GRB14: variants seen among roughly 807,000 people sequenced by gnomAD.
GRB14 encodes the protein growth factor receptor-bound protein 14.
In GRB14, 38 loss-of-function variants were observed where a neutral mutation model predicts 69.1. The ratio of observed to expected loss-of-function variants is 0.55; its 90% confidence interval spans 0.42 to 0.72. The LOEUF is 0.72. Ranked by LOEUF, GRB14 falls within the 30% of genes least tolerant of loss-of-function variation. GRB14 has a pLI of 0.00. For synonymous variants in GRB14, 247 were observed against 241.3 expected (o/e 1.02, Z -0.22); for missense variants, 666 against 666.1 (o/e 1.00, Z 0.00).
chr2:164,617,584 A>G (rs552778075), intron 2 of GRB14, among the ~76,000 whole-genome samples: 6 of 152,198 alleles, frequency 3.9e-5, no homozygotes, highest in African/African-American at 1.4e-4. Flanking sequence ...TACTAACATA[A>G]GCATACCAAC....
At chr2:164,614,073 A>C in intron 2 of GRB14, among the ~76,000 whole-genome samples, 1 of 152,228 alleles carries the variant, frequency 6.6e-6, no homozygotes, top group Non-Finnish European at 1.5e-5. Context: ...ATTCTGAAGA[A>C]GGTGATTTAA....
chr2:164,519,960 T>C (rs1199510337), intron 6 of GRB14, among the ~76,000 whole-genome samples: 2 of 151,882 alleles, frequency 1.3e-5, no homozygotes, highest in African/African-American at 2.4e-5. Flanking sequence ...AGAAATTCAA[T>C]GCAATTCTCA....
At chr2:164,591,790 G>A (rs1157301653) in intron 2 of GRB14, among the ~76,000 whole-genome samples, 2 of 152,108 alleles carry the variant, frequency 1.3e-5, no homozygotes. Flanking sequence ...ATAGACTACT[G>A]ATCCCAGTGA....
chr2:164,609,517 T>C (rs889123302), intron 2 of GRB14, among the ~76,000 whole-genome samples: 6 of 152,226 alleles, frequency 3.9e-5, no homozygotes, highest in African/African-American at 1.4e-4. Flanking sequence ...ACCTATATCA[T>C]ATCAGGTGTT....
chr2:164,527,855 C>T (rs761604638), intron 3 of GRB14, among the ~76,000 whole-genome samples: 34 of 151,834 alleles, frequency 2.2e-4, no homozygotes, highest in Non-Finnish European at 3.2e-4. Context: ...CTATAACATG[C>T]GAAATTCCTA....
At chr2:164,510,794 A>G (rs1201875256) in intron 6 of GRB14, among the ~76,000 whole-genome samples, 1 of 152,232 alleles carries the variant, frequency 6.6e-6, no homozygotes, top group East Asian at 1.9e-4. Flanking sequence ...GAGAGCCCTT[A>G]GGCCTTAAGT....
chr2:164,552,305 G>A (rs556737739), intron 2 of GRB14, among the ~76,000 whole-genome samples: 1 of 152,170 alleles, frequency 6.6e-6, no homozygotes, highest in Non-Finnish European at 1.5e-5. Flanking sequence ...TTGTATCACA[G>A]GAACCTACCC....
At chr2:164,607,843 A>T (rs956233199) in intron 2 of GRB14, among the ~76,000 whole-genome samples, 1 of 152,202 alleles carries the variant, frequency 6.6e-6, no homozygotes, top group African/African-American at 2.4e-5. Flanking sequence ...TACCTTGGCC[A>T]AACCAAAAGT....
chr2:164,528,124 A>AG (rs1183155803), intron 3 of GRB14, among the ~76,000 whole-genome samples: 2 of 152,078 alleles, frequency 1.3e-5, no homozygotes, highest in African/African-American at 4.8e-5. Flanking sequence ...AGCAAAATTA[A>AG]TCTACAGTGC....
chr2:164,508,709 C>T, intron 7 of GRB14, 33 bp downstream of exon 7: 1 of 1,515,234 alleles, frequency 6.6e-7, no homozygotes, highest in Non-Finnish European at 9.0e-7. Context: ...CTGAGGCTTG[C>T]TTTATTCATC....
intron 2 of GRB14, among the ~76,000 whole-genome samples, chr2:164,562,127 T>C (rs1162777502): frequency 6.6e-6 from 1 of 152,222 alleles, no homozygotes; most frequent in Non-Finnish European, 1.5e-5. Flanking sequence ...TGGGGTTCAA[T>C]GATGATCAAA....
intron 4 of GRB14, among the ~76,000 whole-genome samples, chr2:164,526,434 T>C (rs1454367456): frequency 6.6e-6 from 1 of 152,042 alleles, no homozygotes; most frequent in Non-Finnish European, 1.5e-5. Context: ...TAGTATTTAC[T>C]AGATAATGCA....
intron 2 of GRB14, among the ~76,000 whole-genome samples, chr2:164,549,867 A>C (rs1559046385): frequency 2.4e-4 from 1 of 4,200 alleles, no homozygotes; most frequent in Non-Finnish European, 4.7e-4. Context: ...CCATCTAAAA[A>C]TAAAATAAAA....
At chr2:164,600,066 A>C (rs916311410) in intron 2 of GRB14, among the ~76,000 whole-genome samples, 11 of 152,188 alleles carry the variant, frequency 7.2e-5, no homozygotes, top group South Asian at 2.1e-4. Flanking sequence ...AATGCAACCT[A>C]GAATAATTCA....
chr2:164,562,372 G>T (rs1688851881), intron 2 of GRB14, among the ~76,000 whole-genome samples: 2 of 152,100 alleles, frequency 1.3e-5, no homozygotes, highest in South Asian at 4.2e-4. Flanking sequence ...GTATATAGTT[G>T]GATTCATTTT....
At chr2:164,516,748 T>G (rs1687499992) in intron 6 of GRB14, among the ~76,000 whole-genome samples, 4 of 152,060 alleles carry the variant, frequency 2.6e-5, no homozygotes, top group Admixed American at 2.6e-4. Flanking sequence ...TACACCAAAA[T>G]AGAACCTCTT....
chr2:164,613,275 T>C (rs1181114758), intron 2 of GRB14, among the ~76,000 whole-genome samples: 1 of 152,130 alleles, frequency 6.6e-6, no homozygotes, highest in Non-Finnish European at 1.5e-5. Context: ...TTTGAGATCT[T>C]TTTTTTCCCC....
At chr2:164,565,278 T>TCACACACACA (rs145190294) in intron 2 of GRB14, among the ~76,000 whole-genome samples, 3,049 of 125,818 alleles carry the variant, frequency 0.024, 30 homozygotes, top group Non-Finnish European at 0.039. Flanking sequence ...TATCACACAC[T>TCACACACACA]CACACACACA....
At chr2:164,518,834 T>G (rs1687558901) in intron 6 of GRB14, among the ~76,000 whole-genome samples, 2 of 151,926 alleles carry the variant, frequency 1.3e-5, no homozygotes, top group African/African-American at 4.8e-5. Flanking sequence ...ATAAAAACGC[T>G]GAGCAGACCA....
Sources: allele counts gnomAD v4.1 joint callset (sites outside exome capture counted in the v4.1 genomes callset), GRCh38; gene constraint gnomAD v4.1.1; transcripts MANE v1.5; gene names NCBI Gene and HGNC (gene_info 2026-07-23, HGNC 2026-07-21).